HMGA2: variants seen among roughly 807,000 people sequenced by gnomAD.
The protein encoded by HMGA2 is high mobility group protein HMGI-C.
Under a neutral mutation model 19.1 loss-of-function variants are expected in HMGA2, and 8 were observed. That is an observed-to-expected ratio of 0.42 (90% confidence interval 0.25 to 0.76). HMGA2 has a LOEUF of 0.76. Among genes scored for constraint, HMGA2 ranks in the 30% least tolerant of loss-of-function variants. The pLI is 0.28. For missense variants in HMGA2, 109 were observed against 136.3 expected (o/e 0.80, Z 1.00); for synonymous variants, 60 against 48.8 (o/e 1.23, Z -0.96).
chr12:65,870,105 C>T (rs558095840), intron 3 of HMGA2, among the ~76,000 whole-genome samples: 1 of 151,856 alleles, frequency 6.6e-6, no homozygotes, highest in Non-Finnish European at 1.5e-5. Context: ...GTCATTGTTA[C>T]AGGTCTGTGT....
intron 2 of HMGA2, among the ~76,000 whole-genome samples, chr12:65,836,865 G>A (rs1276126788): frequency 6.6e-6 from 1 of 152,138 alleles, no homozygotes; most frequent in Non-Finnish European, 1.5e-5. Flanking sequence ...GAAATTAACT[G>A]AATCAGTGAC....
chr12:65,869,647 TTTCAC>T (rs1872608205), intron 3 of HMGA2, among the ~76,000 whole-genome samples: 1 of 152,230 alleles, frequency 6.6e-6, no homozygotes, highest in Non-Finnish European at 1.5e-5. Flanking sequence ...TTTGACAGTG[TTTCAC>T]AATGTAGGTA....
At chr12:65,888,459 A>C (rs961854368) in intron 3 of HMGA2, among the ~76,000 whole-genome samples, 39 of 150,396 alleles carry the variant, frequency 2.6e-4, no homozygotes, top group African/African-American at 8.8e-4. Context: ...AGTCCCCCCC[A>C]AAAAAAGAAA....
intron 3 of HMGA2, among the ~76,000 whole-genome samples, chr12:65,945,588 TGAA>T (rs1018403196): frequency 1.1e-4 from 16 of 152,024 alleles, no homozygotes; most frequent in Non-Finnish European, 1.9e-4. Flanking sequence ...GGACAAAGGG[TGAA>T]GAAGGATATT....
intron 2 of HMGA2, among the ~76,000 whole-genome samples, chr12:65,833,764 A>T (rs1870579777): frequency 6.6e-6 from 1 of 152,180 alleles, no homozygotes; most frequent in African/African-American, 2.4e-5. Context: ...TCTCAGTTCT[A>T]CTACCTGTGA....
At chr12:65,853,639 T>G (rs1592388017) in intron 3 of HMGA2, among the ~76,000 whole-genome samples, 1 of 152,312 alleles carries the variant, frequency 6.6e-6, no homozygotes, top group Non-Finnish European at 1.5e-5. Flanking sequence ...TTTGGCCTCC[T>G]AAGTCAGTGA....
chr12:65,907,545 C>G (rs1432261682), intron 3 of HMGA2, among the ~76,000 whole-genome samples: 1 of 151,792 alleles, frequency 6.6e-6, no homozygotes, highest in East Asian at 1.9e-4. Flanking sequence ...AAGAGCAATT[C>G]AGAGAGGAGT....
At chr12:65,951,188 C>G (rs1025887376) in intron 3 of HMGA2, among the ~76,000 whole-genome samples, 195 bp from the exon 4 acceptor site, 1 of 152,156 alleles carries the variant, frequency 6.6e-6, no homozygotes, top group Non-Finnish European at 1.5e-5. Context: ...CTCTGCCTCC[C>G]AAAGCGCTGG....
intron 3 of HMGA2, among the ~76,000 whole-genome samples, chr12:65,854,596 G>T (rs533232828): frequency 1.3e-5 from 2 of 152,118 alleles, no homozygotes; most frequent in African/African-American, 4.8e-5. Context: ...TAAGTTCCAG[G>T]GTGCATGTGC....
intron 2 of HMGA2, chr12:65,828,789 T>C (rs1008616713): frequency 6.5e-6 from 1 of 153,074 alleles, no homozygotes; most frequent in African/African-American, 2.4e-5. Context: ...ATATCTCTTT[T>C]TGGGCAGAAT....
chr12:65,913,919 G>A (rs1482767644), intron 3 of HMGA2, among the ~76,000 whole-genome samples: 1 of 152,192 alleles, frequency 6.6e-6, no homozygotes, highest in Non-Finnish European at 1.5e-5. Flanking sequence ...CACTTATGGA[G>A]CCTAGGGTTG....
At chr12:65,837,791 T>A (rs1870797787) in intron 2 of HMGA2, among the ~76,000 whole-genome samples, 1 of 152,162 alleles carries the variant, frequency 6.6e-6, no homozygotes, top group South Asian at 2.1e-4. Flanking sequence ...TCATGTTAAG[T>A]GTGGGATTAT....
intron 3 of HMGA2, among the ~76,000 whole-genome samples, chr12:65,887,334 T>C (rs969063990): frequency 6.6e-6 from 1 of 152,184 alleles, no homozygotes; most frequent in African/African-American, 2.4e-5. Flanking sequence ...ATCCCTGTAA[T>C]CCCAGCACTT....
chr12:65,838,986 C>CTTTTTTTTT (rs1236837070), intron 3 of HMGA2, among the ~76,000 whole-genome samples: 1 of 91,356 alleles, frequency 1.1e-5, no homozygotes, highest in Non-Finnish European at 1.9e-5. Flanking sequence ...CTTTTTCTTT[C>CTTTTTTTTT]TTTTTCTTTT....
intron 3 of HMGA2, among the ~76,000 whole-genome samples, chr12:65,929,081 A>C (rs1049763031): frequency 5.9e-5 from 9 of 152,196 alleles, no homozygotes; most frequent in African/African-American, 1.9e-4. Context: ...TATTCAGAGA[A>C]GTGGCCAAGT....
At chr12:65,946,882 A>C (rs1876283518) in intron 3 of HMGA2, among the ~76,000 whole-genome samples, 1 of 152,314 alleles carries the variant, frequency 6.6e-6, no homozygotes, top group Non-Finnish European at 1.5e-5. Flanking sequence ...AAATCCAAAA[A>C]TATGTCCTTT....
intron 3 of HMGA2, among the ~76,000 whole-genome samples, chr12:65,917,342 A>T (rs1049524838): frequency 1.3e-5 from 2 of 152,180 alleles, no homozygotes; most frequent in African/African-American, 4.8e-5. Context: ...GTTAAGTAAG[A>T]AGCCATGGTG....
At chr12:65,927,480 G>A (rs1380465629) in intron 3 of HMGA2, among the ~76,000 whole-genome samples, 1 of 152,212 alleles carries the variant, frequency 6.6e-6, no homozygotes, top group Admixed American at 6.5e-5. Context: ...TTAAGTGGCT[G>A]TGTGATAGAA....
At chr12:65,851,356 A>T (rs1408043733) in intron 3 of HMGA2, 1 of 166,748 alleles carries the variant, frequency 6.0e-6, no homozygotes, top group Non-Finnish European at 1.3e-5. Flanking sequence ...TCTACTAAAA[A>T]TACAAAAAAT....
Sources: allele counts gnomAD v4.1 joint callset (sites outside exome capture counted in the v4.1 genomes callset), GRCh38; gene constraint gnomAD v4.1.1; transcripts MANE v1.5; gene names NCBI Gene and HGNC (gene_info 2026-07-23, HGNC 2026-07-21).